The following ARNT variants were observed in gnomAD, a reference collection of about 807,000 sequenced individuals.
ARNT encodes the protein class E basic helix-loop-helix protein 2.
Under a neutral mutation model 105.0 loss-of-function variants are expected in ARNT, and 30 were observed. The observed-to-expected ratio is 0.29, with a 90% CI of 0.21 to 0.39. The LOEUF (loss-of-function observed/expected upper bound fraction) is 0.39. ARNT is among the 10% of genes least tolerant of loss of function. ARNT has a pLI of 1.00. For synonymous variants in ARNT, 304 were observed against 344.0 expected (o/e 0.88, Z 1.29); for missense variants, 748 against 978.7 (o/e 0.76, Z 3.15).
chr1:150,846,655 T>C (rs1236443167), intron 3 of ARNT, among the ~76,000 whole-genome samples: 2 of 152,204 alleles, frequency 1.3e-5, no homozygotes, highest in Non-Finnish European at 2.9e-5. Context: ...CTGTATACCA[T>C]TTTTAAGTGT....
At chr1:150,830,616 T>G (rs1162537660) in intron 10 of ARNT, among the ~76,000 whole-genome samples, 1 of 152,196 alleles carries the variant, frequency 6.6e-6, no homozygotes, top group East Asian at 1.9e-4. Flanking sequence ...ATCCATTCTA[T>G]GACCATGTTA....
intron 9 of ARNT, 133 bp downstream of exon 9, chr1:150,832,201 A>C: frequency 1.1e-6 from 1 of 893,732 alleles, no homozygotes; most frequent in Non-Finnish European, 1.8e-6. Flanking sequence ...GTGGGAGGTA[A>C]GGGATGTTAA....
At chr1:150,816,471 A>C in intron 18 of ARNT, 65 bp from the exon 19 acceptor site, 1 of 1,542,580 alleles carries the variant, frequency 6.5e-7, no homozygotes, top group Non-Finnish European at 8.7e-7. Context: ...TAGGAATCAA[A>C]GGACAATCTA....
chr1:150,841,106 G>A (rs1373438498), intron 5 of ARNT, among the ~76,000 whole-genome samples: 2 of 149,114 alleles, frequency 1.3e-5, no homozygotes, highest in Non-Finnish European at 3.0e-5. Flanking sequence ...ACACCACCAC[G>A]CCCAGTTTTT....
chr1:150,858,434 C>G lies in ARNT; in HGVS notation c.52G>C (p.Gly18Arg), dbSNP rs1665011550. The G allele has an allele frequency of 6.2e-7, 1 of 1,608,600 alleles. No individual in the cohort carries two copies. Among genetic ancestry groups the G allele is most frequent in the African/African-American group, 1.3e-5 (1 of 74,946 alleles). ...GAGTTTCCAGAGGCAATGGCTGGAC[C>G]CAGTGATGGTACATCTGATGTCATT... ...PEMTSDVPSL[G>R]PAIASGNSGP... is the part of the protein sequence containing the mutation. The change falls in exon 2 of 22, where the codon GGT becomes CGT. Residue 18 changes from glycine (G) to arginine (R), a missense_variant. Coordinates refer to ENST00000358595, the MANE Select transcript of ARNT (RefSeq NM_001668.4).
intron 9 of ARNT, 142 bp from the exon 10 acceptor site, chr1:150,832,045 C>G (rs972514783): frequency 8.4e-6 from 6 of 717,828 alleles, no homozygotes. Flanking sequence ...CAAAAATGAC[C>G]GCCACATTTT....
chr1:150,861,566 TTAAAAGGCCGAG>T (rs1665647073), intron 1 of ARNT, among the ~76,000 whole-genome samples: 1 of 152,124 alleles, frequency 6.6e-6, no homozygotes. Context: ...GGCTAGCACT[TTAAAAGGCCGAG>T]GGAGGAGGAT....
rs587595774 is a variant in ARNT, at chr1:150,850,438, C to T, written c.182+2324G>A. Among the ~76,000 whole-genome samples the T allele has an allele frequency of 2.2e-4, 34 of 152,358 alleles. No homozygotes were observed. In the East Asian group the frequency reaches 5.4e-3, roughly 24 times the overall value. The stretch of plus-strand genomic sequence containing the variant: ...CTGCGATTGCAGTCGCGCGCCGCCA[C>T]GCCTGACTGGTTTTCGTATTTTTTT... On this transcript the variant is annotated intron_variant, in intron 3 of 21. Transcript: ENST00000358595.
Position 150,811,497 on chromosome 1 carries a change from C to T in ARNT, c.*524G>A. On this transcript the variant is annotated 3_prime_UTR_variant, in exon 22 of 22. Transcript: ENST00000358595. ...ACACACATACACACACACTCTCTCT[C>T]ACTTACTCACATGTTTCTTTCCAGA... 4.3e-6 allele frequency: 1 copy of T among 233,798 alleles called. No individual in the cohort carries two copies. The highest frequency in any genetic ancestry group is 6.0e-5 in the East Asian group (1 of 16,702). 14.5% of individuals were successfully genotyped at this position (233,798 alleles called of 1,614,324 possible).
chr1:150,834,450 A>G, intron 8 of ARNT, 88 bp downstream of exon 8: 1 of 1,275,846 alleles, frequency 7.8e-7, no homozygotes, highest in Non-Finnish European at 1.1e-6. Context: ...AATCCACTGG[A>G]GCTAATCCAA....
At chr1:150,824,449 TTTC>T (rs1391528169) in intron 13 of ARNT, among the ~76,000 whole-genome samples, 2 of 150,044 alleles carry the variant, frequency 1.3e-5, no homozygotes, top group African/African-American at 5.0e-5. Context: ...TCTGTTTTCT[TTTC>T]TTTTTCTTTT....
At chr1:150,834,460 A>G in intron 8 of ARNT, 78 bp downstream of exon 8, 3 of 1,422,044 alleles carry the variant, frequency 2.1e-6, no homozygotes, top group African/African-American at 1.4e-5. Flanking sequence ...AGCTAATCCA[A>G]CTTAACTCTG....
intron 7 of ARNT, among the ~76,000 whole-genome samples, chr1:150,836,007 A>G (rs754769226): frequency 1.1e-4 from 16 of 152,204 alleles, no homozygotes; most frequent in Non-Finnish European, 1.8e-4. Flanking sequence ...AACGGAAAAA[A>G]AAAAGTATTG....
intron 1 of ARNT, among the ~76,000 whole-genome samples, chr1:150,866,891 C>T (rs1666678282): frequency 2.0e-5 from 3 of 152,174 alleles, no homozygotes; most frequent in African/African-American, 4.8e-5. Context: ...TGAGTACATA[C>T]ATATATAGGA....
intron 1 of ARNT, among the ~76,000 whole-genome samples, chr1:150,871,864 C>T (rs1359708424): frequency 4.4e-5 from 6 of 136,978 alleles, no homozygotes; most frequent in African/African-American, 5.4e-5. Flanking sequence ...GCCAAGATCA[C>T]GCCATTGCAC....
At chr1:150,827,690 G>A (rs1658555571) in intron 12 of ARNT, among the ~76,000 whole-genome samples, 1 of 152,154 alleles carries the variant, frequency 6.6e-6, no homozygotes, top group Non-Finnish European at 1.5e-5. Context: ...TAGATACTCA[G>A]GAATAAAATT....
intron 5 of ARNT, among the ~76,000 whole-genome samples, chr1:150,841,018 G>A (rs1369888408): frequency 1.4e-5 from 2 of 138,810 alleles, no homozygotes; most frequent in African/African-American, 2.7e-5. Flanking sequence ...GCGGGATCTC[G>A]GCTCACTGCA....
chr1:150,817,263 A>G, intron 16 of ARNT, 61 bp from the exon 17 acceptor site: 1 of 1,612,308 alleles, frequency 6.2e-7, no homozygotes, highest in Non-Finnish European at 8.5e-7. Flanking sequence ...CAATAACCCT[A>G]AAATTCATAT....
intron 21 of ARNT, 96 bp from the exon 22 acceptor site, chr1:150,812,206 C>T: frequency 1.1e-6 from 1 of 876,204 alleles, no homozygotes; most frequent in East Asian, 3.0e-5. Flanking sequence ...CCATCCCTGA[C>T]CCCGAGTCTT....
Sources: allele counts gnomAD v4.1 joint callset (sites outside exome capture counted in the v4.1 genomes callset), GRCh38; gene constraint gnomAD v4.1.1; transcripts MANE v1.5; gene names NCBI Gene and HGNC (gene_info 2026-07-23, HGNC 2026-07-21).